Variants in ATG10 observed in about 807,000 individuals in gnomAD.
ATG10 encodes ubiquitin-like-conjugating enzyme ATG10.
Under a neutral mutation model 32.1 loss-of-function variants are expected in ATG10, and 30 were observed. The observed-to-expected ratio is 0.94, with a 90% CI of 0.70 to 1.27. The LOEUF is 1.27. Ranked by LOEUF, ATG10 falls within the 50% of genes most tolerant of loss-of-function variation. The pLI is 0.00. For synonymous variants in ATG10, 87 were observed against 91.5 expected (o/e 0.95, Z 0.28); for missense variants, 233 against 262.3 (o/e 0.89, Z 0.77).
At chr5:82,062,024 C>T (rs1763798635) in intron 3 of ATG10, among the ~76,000 whole-genome samples, 2 of 151,496 alleles carry the variant, frequency 1.3e-5, no homozygotes, top group South Asian at 4.2e-4. Flanking sequence ...AGATGTGGAT[C>T]TTGCTCTGTT....
chr5:82,101,002 A>G (rs1439571266), intron 3 of ATG10, among the ~76,000 whole-genome samples: 3 of 152,166 alleles, frequency 2.0e-5, no homozygotes, highest in Admixed American at 6.5e-5. Context: ...ATAGAAGAGG[A>G]TGACTCAGAT....
At chr5:82,130,128 GCTTT>G (rs1766461921) in intron 3 of ATG10, among the ~76,000 whole-genome samples, 1 of 152,194 alleles carries the variant, frequency 6.6e-6, no homozygotes, top group Non-Finnish European at 1.5e-5. Flanking sequence ...CTTCCAGGCG[GCTTT>G]CTTTACACTG....
intron 3 of ATG10, among the ~76,000 whole-genome samples, chr5:82,096,782 C>T (rs1259663500): frequency 3.9e-5 from 6 of 152,184 alleles, no homozygotes; most frequent in African/African-American, 1.4e-4. Context: ...CCTTGCTTAA[C>T]AAAAGAAGTC....
At chr5:82,071,369 G>T (rs565398453) in intron 3 of ATG10, among the ~76,000 whole-genome samples, 1 of 152,266 alleles carries the variant, frequency 6.6e-6, no homozygotes, top group South Asian at 2.1e-4. Context: ...GGAGGCTGAG[G>T]ATGGATTCCA....
intron 5 of ATG10, among the ~76,000 whole-genome samples, chr5:82,248,733 A>T (rs1194453890): frequency 6.6e-6 from 1 of 152,114 alleles, no homozygotes; most frequent in African/African-American, 2.4e-5. Flanking sequence ...CTTCTAAAAG[A>T]TTACATATCT....
chr5:82,248,472 G>C (rs1397657316), intron 5 of ATG10, among the ~76,000 whole-genome samples: 1 of 152,136 alleles, frequency 6.6e-6, no homozygotes, highest in African/African-American at 2.4e-5. Flanking sequence ...AGGAGGAGGG[G>C]ATATGGAAGT....
intron 4 of ATG10, among the ~76,000 whole-genome samples, chr5:82,178,112 GAGT>G (rs1310939851): frequency 6.6e-6 from 1 of 152,144 alleles, no homozygotes; most frequent in Non-Finnish European, 1.5e-5. Context: ...TTAAGGACTA[GAGT>G]AAGTATGAAG....
chr5:82,112,365 G>T (rs1308887796), intron 3 of ATG10, among the ~76,000 whole-genome samples: 3 of 151,792 alleles, frequency 2.0e-5, no homozygotes, highest in Non-Finnish European at 4.4e-5. Context: ...TGAATCTTTT[G>T]TATAGGTACT....
intron 3 of ATG10, among the ~76,000 whole-genome samples, chr5:82,109,608 A>G (rs1476379794): frequency 1.1e-4 from 17 of 151,750 alleles, no homozygotes. Context: ...ACTATTTTTT[A>G]TAATGATATA....
chr5:82,074,783 A>G (rs778774522), intron 3 of ATG10, among the ~76,000 whole-genome samples: 7 of 152,200 alleles, frequency 4.6e-5, no homozygotes, highest in Non-Finnish European at 1.0e-4. Flanking sequence ...CTTAACTTGA[A>G]TTAGAAAATC....
intron 5 of ATG10, among the ~76,000 whole-genome samples, chr5:82,210,728 G>A (rs1209720343): frequency 6.6e-6 from 1 of 152,080 alleles, no homozygotes; most frequent in African/African-American, 2.4e-5. Context: ...AGGGAACTTT[G>A]GAGTCTGCAG....
chr5:82,157,820 A>T (rs1767865826), intron 3 of ATG10, among the ~76,000 whole-genome samples: 1 of 152,148 alleles, frequency 6.6e-6, no homozygotes, highest in South Asian at 2.1e-4. Context: ...AGGACTGTGG[A>T]CTGTCTTTGA....
intron 5 of ATG10, among the ~76,000 whole-genome samples, chr5:82,221,436 T>C (rs995203996): frequency 1.3e-5 from 2 of 152,190 alleles, no homozygotes; most frequent in Admixed American, 1.3e-4. Context: ...AAAAACACTA[T>C]GTACACTTTT....
chr5:82,247,124 T>C (rs10078832), intron 5 of ATG10, among the ~76,000 whole-genome samples: 88,939 of 151,944 alleles, frequency 0.59, 28,100 homozygotes, highest in African/African-American at 0.8. Flanking sequence ...AGGTGTGGGT[T>C]TTTTTATATT....
chr5:82,223,544 A>G (rs1746007729), intron 5 of ATG10, among the ~76,000 whole-genome samples: 1 of 152,190 alleles, frequency 6.6e-6, no homozygotes, highest in African/African-American at 2.4e-5. Flanking sequence ...CCAATAACCA[A>G]CAAATAGAGA....
At chr5:82,111,132 A>G (rs1308363907) in intron 3 of ATG10, among the ~76,000 whole-genome samples, 1 of 152,032 alleles carries the variant, frequency 6.6e-6, no homozygotes, top group Middle Eastern at 3.4e-3. Context: ...GTTTGTTACA[A>G]TGGTATTTTT....
chr5:82,218,205 G>C (rs1229112546), intron 5 of ATG10, among the ~76,000 whole-genome samples: 1 of 152,064 alleles, frequency 6.6e-6, no homozygotes, highest in African/African-American at 2.4e-5. Flanking sequence ...TCATCTACTA[G>C]TGATAACAAC....
chr5:82,010,055 A>T, intron 2 of ATG10: 2 of 1,610,672 alleles, frequency 1.2e-6, no homozygotes, highest in Non-Finnish European at 8.5e-7. Flanking sequence ...AGGGCTCGCC[A>T]TCGACGGCAA....
At chr5:81,983,423 A>T (rs1411180405) in intron 1 of ATG10, among the ~76,000 whole-genome samples, 51 of 72,060 alleles carry the variant, frequency 7.1e-4, no homozygotes, top group African/African-American at 2.8e-3. Context: ...TGACTCCCCC[A>T]CCTCCCTCCC....
Sources: allele counts gnomAD v4.1 joint callset (sites outside exome capture counted in the v4.1 genomes callset), GRCh38; gene constraint gnomAD v4.1.1; transcripts MANE v1.5; gene names NCBI Gene and HGNC (gene_info 2026-07-23, HGNC 2026-07-21).